Variants in SNRPG observed in about 807,000 individuals in gnomAD.
The protein encoded by SNRPG is small nuclear ribonucleoprotein polypeptide G, also known as small nuclear ribonucleoprotein G.
A neutral mutation model predicts 13.9 loss-of-function variants in SNRPG; 3 were observed. The ratio of observed to expected loss-of-function variants is 0.22; its 90% CI spans 0.10 to 0.56. The LOEUF (loss-of-function observed/expected upper bound fraction) is 0.56. Ranked by LOEUF, SNRPG falls within the 20% of genes least tolerant of loss-of-function variation. SNRPG has a pLI of 0.93. For missense variants in SNRPG, 34 were observed against 96.1 expected (o/e 0.35, Z 2.70); for synonymous variants, 29 against 29.3 (o/e 0.99, Z 0.03).
intron 3 of SNRPG, among the ~76,000 whole-genome samples, chr2:70,287,014 A>G (rs1259649668): frequency 2.6e-5 from 4 of 152,244 alleles, no homozygotes; most frequent in Non-Finnish European, 5.9e-5. Flanking sequence ...AAGTCAATTT[A>G]CATGAAACTT....
intron 1 of SNRPG, among the ~76,000 whole-genome samples, chr2:70,291,012 A>G (rs962046825): frequency 4.5e-5 from 3 of 67,096 alleles, no homozygotes; most frequent in Non-Finnish European, 6.1e-5. Context: ...ACTCCATCTC[A>G]AAACACACAC....
At chr2:70,287,926 C>T in intron 3 of SNRPG, 142 bp downstream of exon 3, 1 of 625,328 alleles carries the variant, frequency 1.6e-6, no homozygotes, top group South Asian at 1.8e-5. Context: ...AGCTGAGTAA[C>T]TGCCGTATGC....
intron 3 of SNRPG, among the ~76,000 whole-genome samples, chr2:70,285,571 TAC>T (rs1314855459): frequency 3.3e-5 from 5 of 151,970 alleles, no homozygotes; most frequent in Admixed American, 6.6e-5. Context: ...GACTCTGTCA[TAC>T]ACACGCGCGT....
intron 3 of SNRPG, 49 bp from the exon 4 acceptor site, chr2:70,281,733 A>G (rs376039390): frequency 5.9e-5 from 57 of 964,288 alleles, no homozygotes; most frequent in African/African-American, 3.6e-4. Flanking sequence ...GGTAACAGAC[A>G]TAACTATGAT....
At chr2:70,293,044 T>A in intron 1 of SNRPG, 1 of 662,646 alleles carries the variant, frequency 1.5e-6, no homozygotes, top group Non-Finnish European at 2.7e-6. Context: ...AAATGAATGT[T>A]CTTATATAGT....
At chr2:70,290,441 T>A (rs1438937848) in intron 1 of SNRPG, among the ~76,000 whole-genome samples, 2 of 152,074 alleles carry the variant, frequency 1.3e-5, no homozygotes, top group East Asian at 3.8e-4. Flanking sequence ...TTTAGTGGAA[T>A]ACGAGATTAA....
In SNRPG at chr2:70,293,714, C is replaced by T. The variant is rs15656; in HGVS notation, c.-65G>A. On this transcript the variant is annotated 5_prime_UTR_variant, in exon 1 of 4. Coordinates refer to ENST00000272348, the MANE Select transcript of SNRPG (RefSeq NM_003096.4). ...ACGCACGGCTTTCCTCACGCTCCCG[C>T]TGTAGGCCCGGCGTCTTGCGTCTGG... The T allele has an allele frequency of 0.07, 104,489 of 1,502,550 alleles. 4,143 individuals carry two copies. The highest frequency in any genetic ancestry group is 0.18 in the East Asian group (7,957 of 44,346). The allele number at this position is 1,502,550 out of a possible 1,614,324, so 93.1% of individuals were successfully genotyped here.
intron 1 of SNRPG, among the ~76,000 whole-genome samples, chr2:70,290,308 TTTTA>T (rs1451363633): frequency 5.3e-5 from 8 of 152,184 alleles, no homozygotes; most frequent in Non-Finnish European, 2.9e-5. Flanking sequence ...AGTAGTGTTC[TTTTA>T]TTTAATATTA....
At chr2:70,293,166 A>G (rs1030160328) in intron 1 of SNRPG, 9 of 702,442 alleles carry the variant, frequency 1.3e-5, no homozygotes, top group Non-Finnish European at 2.3e-5. Context: ...CACATTTGCT[A>G]AGACTAAAGT....
intron 2 of SNRPG, among the ~76,000 whole-genome samples, chr2:70,288,974 G>A (rs113831985): frequency 6.1e-4 from 93 of 151,556 alleles, no homozygotes; most frequent in African/African-American, 2.2e-3. Context: ...TTTTTGAGAC[G>A]GAGTCTAGCT....
chr2:70,291,403 A>T (rs1697092766), intron 1 of SNRPG: 1 of 152,264 alleles, frequency 6.6e-6, no homozygotes, highest in African/African-American at 2.4e-5. Flanking sequence ...GCAAATTTTA[A>T]GAAGTGGAAG....
intron 1 of SNRPG, among the ~76,000 whole-genome samples, chr2:70,291,820 G>A (rs1697104502): frequency 2.0e-5 from 3 of 150,020 alleles, no homozygotes; most frequent in South Asian, 2.1e-4. Flanking sequence ...GTAGAGAATG[G>A]TCTTTTTGTT....
At chr2:70,287,362 G>C in intron 3 of SNRPG, 1 of 702,562 alleles carries the variant, frequency 1.4e-6, no homozygotes, top group Non-Finnish European at 2.6e-6. Flanking sequence ...GCTTTATTAG[G>C]TATGTTGTCC....
At chr2:70,287,959 C>T (rs976882361) in intron 3 of SNRPG, 109 bp downstream of exon 3, 7 of 1,001,812 alleles carry the variant, frequency 7.0e-6, no homozygotes, top group Non-Finnish European at 1.1e-5. Context: ...GATGGAAAGT[C>T]TAATCTTGCC....
At chr2:70,293,285 T>G (rs938792192) in intron 1 of SNRPG, 2 of 691,728 alleles carry the variant, frequency 2.9e-6, no homozygotes, top group African/African-American at 1.8e-5. Context: ...ATCTAGAACA[T>G]GATACTATTC....
At chr2:70,291,048 CACACACACACAT>C (rs1014668424) in intron 1 of SNRPG, among the ~76,000 whole-genome samples, 6 of 141,448 alleles carry the variant, frequency 4.2e-5, no homozygotes, top group East Asian at 2.3e-4. Flanking sequence ...CACACACACA[CACACACACACAT>C]ATATGAAGTA....
chr2:70,281,541 T>A lies in SNRPG; in HGVS notation c.*93A>T. 1.5e-6 allele frequency: 1 copy of A among 655,028 alleles called. No individual in the cohort carries two copies. Among genetic ancestry groups the A allele is most frequent in the Non-Finnish European group, 2.6e-6 (1 of 383,496 alleles). 40.6% of individuals were successfully genotyped at this position (655,028 alleles called of 1,614,324 possible). A position where few individuals can be genotyped will look rare whatever the true frequency, so the allele number is the denominator to read the frequency against. ...ACAAAAGTTTATTTAACAAAAAGTC[T>A]AATATGAAAATGTACATGACCTAAT... On this transcript the variant is annotated 3_prime_UTR_variant, in exon 4 of 4. Coordinates refer to ENST00000272348, the MANE Select transcript of SNRPG (RefSeq NM_003096.4).
chr2:70,285,306 GCT>G (rs1696913218), intron 3 of SNRPG, among the ~76,000 whole-genome samples: 1 of 152,186 alleles, frequency 6.6e-6, no homozygotes, highest in African/African-American at 2.4e-5. Flanking sequence ...AGGCGCGGTG[GCT>G]CACGCCTGTA....
intron 3 of SNRPG, among the ~76,000 whole-genome samples, chr2:70,286,247 TAA>T (rs1696939030): frequency 2.0e-5 from 3 of 152,170 alleles, no homozygotes; most frequent in Admixed American, 2.0e-4. Context: ...ATAACTGCAA[TAA>T]AACAGTATTA....
Sources: gnomAD v4.1 joint callset for allele counts (sites outside exome capture counted in the v4.1 genomes callset) on GRCh38, gnomAD v4.1.1 for gene constraint, MANE v1.5 for transcripts, NCBI Gene and HGNC (gene_info 2026-07-23, HGNC 2026-07-21) for gene names.